The following EXOC4 variants were observed in gnomAD, a reference collection of about 807,000 sequenced individuals.
The protein encoded by EXOC4 is exocyst complex component 4.
EXOC4 carries 71 observed loss-of-function variants against 107.2 expected under a neutral mutation model. That is an observed-to-expected ratio of 0.66 (90% CI 0.55 to 0.81). The LOEUF (loss-of-function observed/expected upper bound fraction) is 0.81, where lower values mean the gene tolerates loss of function less well. Among genes scored for constraint, EXOC4 ranks in the 30% least tolerant of loss-of-function variants. The pLI is 0.00. For missense variants in EXOC4, 1,108 were observed against 1,189.6 expected (o/e 0.93, Z 1.01); for synonymous variants, 456 against 441.2 (o/e 1.03, Z -0.42).
intron 9 of EXOC4, among the ~76,000 whole-genome samples, chr7:133,592,325 C>T (rs866787109): frequency 6.6e-6 from 1 of 152,140 alleles, no homozygotes; most frequent in African/African-American, 2.4e-5. Flanking sequence ...CTTGGCCTCC[C>T]ACAATATGGA....
In EXOC4 at chr7:133,322,987, G is replaced by A. The variant is rs570821037; in HGVS notation, c.763+5597G>A. Among the ~76,000 whole-genome samples the A allele has an allele frequency of 7.4e-4, 112 of 152,228 alleles. 1 individual carries two copies. Among genetic ancestry groups the A allele is most frequent in the African/African-American group, 2.5e-3 (103 of 41,534 alleles). On this transcript the variant is annotated intron_variant, in intron 5 of 17. Coordinates refer to ENST00000253861, the MANE Select transcript of EXOC4 (RefSeq NM_021807.4). ...ATTCTCTTTGTAGCAATTGTGAATG[G>A]GAGTTCACTCATGATTTGGCTCTCT...
chr7:133,357,161 T>C (rs1460847289), intron 6 of EXOC4, among the ~76,000 whole-genome samples: 4 of 152,210 alleles, frequency 2.6e-5, no homozygotes, highest in African/African-American at 9.6e-5. Flanking sequence ...AAAGAATAAA[T>C]TGAATCAAAT....
At chr7:133,831,113 C>T (rs191170494) in intron 11 of EXOC4, among the ~76,000 whole-genome samples, 110 of 152,174 alleles carry the variant, frequency 7.2e-4, no homozygotes, top group African/African-American at 2.3e-3. Context: ...TACAGGCACC[C>T]GCCACCACGC....
chr7:133,982,145 A>G (rs1443300085), intron 14 of EXOC4, among the ~76,000 whole-genome samples: 1 of 152,224 alleles, frequency 6.6e-6, no homozygotes, highest in Non-Finnish European at 1.5e-5. Context: ...ACTACTGGGT[A>G]TTAGGCCTAT....
intron 12 of EXOC4, among the ~76,000 whole-genome samples, chr7:133,915,646 G>GT (rs1799793055): frequency 6.6e-6 from 1 of 152,164 alleles, no homozygotes; most frequent in South Asian, 2.1e-4. Context: ...CTTATCTGAG[G>GT]TGGTACCATG....
chr7:133,346,942 G>A (rs548888338), intron 5 of EXOC4, among the ~76,000 whole-genome samples: 1 of 152,196 alleles, frequency 6.6e-6, no homozygotes, highest in East Asian at 1.9e-4. Flanking sequence ...AAATACTGAA[G>A]TATATCACCA....
chr7:133,881,862 T>C (rs137968900), intron 11 of EXOC4, among the ~76,000 whole-genome samples: 30 of 152,306 alleles, frequency 2.0e-4, no homozygotes, highest in Non-Finnish European at 3.2e-4. Flanking sequence ...AGAATAGCAA[T>C]ACATCTAAGG....
At chr7:133,385,664 T>C (rs957451279) in intron 7 of EXOC4, among the ~76,000 whole-genome samples, 1 of 152,224 alleles carries the variant, frequency 6.6e-6, no homozygotes, top group Non-Finnish European at 1.5e-5. Flanking sequence ...GTTTGTCGTA[T>C]TGCTCCCCAT....
chr7:134,003,845 G>A (rs1342724709), intron 15 of EXOC4, among the ~76,000 whole-genome samples: 1 of 152,068 alleles, frequency 6.6e-6, no homozygotes, highest in African/African-American at 2.4e-5. Flanking sequence ...AAAGGCTGTG[G>A]CAGTGCAGCC....
chr7:133,919,657 T>G (rs1799894161), intron 13 of EXOC4, among the ~76,000 whole-genome samples: 2 of 152,196 alleles, frequency 1.3e-5, no homozygotes, highest in African/African-American at 4.8e-5. Flanking sequence ...TGAGAATGAC[T>G]TATTTTGCTT....
chr7:133,935,224 G>A (rs777884444), intron 13 of EXOC4, among the ~76,000 whole-genome samples: 7 of 151,930 alleles, frequency 4.6e-5, no homozygotes, highest in Non-Finnish European at 8.8e-5. Context: ...AGTTGCCGTG[G>A]CTTCATTCCA....
chr7:133,734,249 T>C (rs1795391291), intron 10 of EXOC4, among the ~76,000 whole-genome samples: 1 of 152,174 alleles, frequency 6.6e-6, no homozygotes, highest in Non-Finnish European at 1.5e-5. Context: ...ACTCAAATTA[T>C]TGATGAGAAC....
chr7:133,730,588 G>A lies in EXOC4; in HGVS notation c.1515-86737G>A, dbSNP rs1795306244. Among the ~76,000 whole-genome samples, 4 of 152,194 alleles carry A rather than the reference G, an allele frequency of 2.6e-5. 1 individual carries two copies. In the South Asian group the frequency reaches 6.2e-4, roughly 24 times the overall value. On this transcript the variant is annotated intron_variant, in intron 10 of 17. Coordinates refer to ENST00000253861, the MANE Select transcript of EXOC4 (RefSeq NM_021807.4). ...ACATTCGCTTTGGGATGCCTGTTTG[G>A]ATATGTTTATAAAGTCATTAATCTT...
At chr7:133,683,755 C>T (rs543354146) in intron 10 of EXOC4, among the ~76,000 whole-genome samples, 9 of 152,100 alleles carry the variant, frequency 5.9e-5, no homozygotes, top group East Asian at 3.9e-4. Flanking sequence ...TCTTCAACCA[C>T]GAAGCAACTT....
intron 9 of EXOC4, among the ~76,000 whole-genome samples, chr7:133,537,783 C>G (rs766446555): frequency 1.4e-4 from 21 of 152,122 alleles, no homozygotes; most frequent in Non-Finnish European, 2.2e-4. Context: ...TTATTTTTAT[C>G]AAAGCATCTG....
intron 1 of EXOC4, among the ~76,000 whole-genome samples, chr7:133,267,018 T>C (rs1214633260): frequency 1.3e-5 from 2 of 152,220 alleles, no homozygotes; most frequent in Non-Finnish European, 2.9e-5. Context: ...ATCTGCATAG[T>C]TGTCTTTTAC....
intron 10 of EXOC4, among the ~76,000 whole-genome samples, chr7:133,644,235 A>G (rs1044769647): frequency 1.4e-4 from 21 of 152,194 alleles, no homozygotes; most frequent in African/African-American, 4.6e-4. Context: ...TAATTAGCCA[A>G]TGCCAGAGCT....
At chr7:133,789,193 A>G (rs1796652797) in intron 10 of EXOC4, among the ~76,000 whole-genome samples, 1 of 152,212 alleles carries the variant, frequency 6.6e-6, no homozygotes. Context: ...GAAGGAGGAA[A>G]GGAAAACTAG....
chr7:133,734,368 T>A (rs1274482834), intron 10 of EXOC4, among the ~76,000 whole-genome samples: 3 of 152,286 alleles, frequency 2.0e-5, no homozygotes, highest in African/African-American at 7.2e-5. Context: ...TCCATTTTAC[T>A]TAAACAGGAC....
Sources: allele counts gnomAD v4.1 joint callset (sites outside exome capture counted in the v4.1 genomes callset), GRCh38; gene constraint gnomAD v4.1.1; transcripts MANE v1.5; gene names NCBI Gene and HGNC (gene_info 2026-07-23, HGNC 2026-07-21).